BCAT1: variants seen among roughly 807,000 people sequenced by gnomAD.
BCAT1 encodes the protein branched chain amino acid transaminase 1.
In BCAT1, 48 loss-of-function variants were observed where a neutral mutation model predicts 52.4. That is an observed-to-expected ratio of 0.92 (90% CI 0.73 to 1.16). The LOEUF is 1.16. Ranked by LOEUF, BCAT1 falls within the 50% of genes most tolerant of loss-of-function variation. The pLI is 0.00. For missense variants in BCAT1, 451 were observed against 457.1 expected (o/e 0.99, Z 0.12); for synonymous variants, 167 against 161.3 (o/e 1.04, Z -0.27).
chr12:24,867,357 T>A (rs1449406110), intron 5 of BCAT1, among the ~76,000 whole-genome samples: 1 of 112,654 alleles, frequency 8.9e-6, no homozygotes, highest in Non-Finnish European at 1.9e-5. Flanking sequence ...TTTTTTTTTT[T>A]ACCTTTAACA....
At chr12:24,894,702 T>C (rs1163967651) in intron 2 of BCAT1, among the ~76,000 whole-genome samples, 1 of 152,120 alleles carries the variant, frequency 6.6e-6, no homozygotes, top group Non-Finnish European at 1.5e-5. Context: ...AGAACCAAAT[T>C]TCAGTGATAT....
intron 1 of BCAT1, among the ~76,000 whole-genome samples, chr12:24,922,945 A>C (rs753804523): frequency 6.6e-6 from 1 of 152,092 alleles, no homozygotes; most frequent in Non-Finnish European, 1.5e-5. Flanking sequence ...GAAATCAGAC[A>C]TGTGCTTCCC....
chr12:24,904,641 A>G (rs1383042071), intron 1 of BCAT1: 1 of 152,144 alleles, frequency 6.6e-6, no homozygotes, highest in Non-Finnish European at 1.5e-5. Flanking sequence ...GGCTGCACCT[A>G]TGTGCTGATG....
chr12:24,836,385 G>A lies in BCAT1; in HGVS notation c.903+126C>T, dbSNP rs750708455. On this transcript the variant is annotated intron_variant, in intron 8 of 10. Transcript: ENST00000261192. ...TTCTAGAAGAATACTTTTCATTCAC[G>A]TTAGAATTTAAAGATTAGATAACAT... 101 of 801,162 alleles carry A rather than the reference G, an allele frequency of 1.3e-4. 1 individual carries two copies. Among genetic ancestry groups the A allele is most frequent in the Non-Finnish European group, 1.8e-4 (91 of 509,066 alleles). 49.6% of individuals were successfully genotyped at this position (801,162 alleles called of 1,614,324 possible). A position where few individuals can be genotyped will look rare whatever the true frequency, so the allele number is the denominator to read the frequency against.
chr12:24,892,631 T>G (rs1054003140), intron 3 of BCAT1, among the ~76,000 whole-genome samples: 1 of 152,126 alleles, frequency 6.6e-6, no homozygotes, highest in Non-Finnish European at 1.5e-5. Context: ...GGCAAGAGGA[T>G]TGCTTGAGCC....
chr12:24,868,287 G>A (rs1157098583), intron 5 of BCAT1, among the ~76,000 whole-genome samples: 3 of 152,026 alleles, frequency 2.0e-5, no homozygotes, highest in African/African-American at 7.3e-5. Context: ...ATTAAATTCA[G>A]TACGGTACAT....
chr12:24,845,021 T>C (rs1215723473), intron 6 of BCAT1, among the ~76,000 whole-genome samples: 1 of 151,488 alleles, frequency 6.6e-6, no homozygotes, highest in Non-Finnish European at 1.5e-5. Context: ...CAGACCAGCC[T>C]GGCTAACATG....
At chr12:24,831,816 A>G (rs1001244900) in intron 9 of BCAT1, among the ~76,000 whole-genome samples, 1 of 152,262 alleles carries the variant, frequency 6.6e-6, no homozygotes, top group Non-Finnish European at 1.5e-5. Context: ...GTTAGATGCC[A>G]ATGTTAATCA....
intron 1 of BCAT1, among the ~76,000 whole-genome samples, chr12:24,919,533 T>A (rs1943471232): frequency 1.3e-5 from 2 of 152,010 alleles, no homozygotes; most frequent in South Asian, 4.1e-4. Context: ...CCTGTAGGAG[T>A]CAAAAGGAAA....
chr12:24,834,831 C>T (rs1440114960), intron 8 of BCAT1: 24 of 1,085,620 alleles, frequency 2.2e-5, no homozygotes, highest in African/African-American at 5.1e-5. Context: ...GAAAAGAAAA[C>T]TCTTTTGTAA....
Position 24,901,889 on chromosome 12 carries a change from AAAG to A in BCAT1, c.7-7_7-5del, listed in dbSNP as rs764864355. On this transcript the variant is annotated splice_polypyrimidine_tract_variant and splice_region_variant and intron_variant, in intron 1 of 10. Coordinates refer to ENST00000261192, the MANE Select transcript of BCAT1 (RefSeq NM_005504.7). ...CGGAGCATCCGTTACTGCAATCCTT[AAAG>A]AAGAATTAAACCACCATTAAGTAAA... is the stretch of plus-strand genomic sequence containing the variant. 1.9e-6 allele frequency: 3 copies of A among 1,613,506 alleles called. No individual in the cohort carries two copies. The highest frequency in any genetic ancestry group is 1.1e-5 in the South Asian group (1 of 91,034).
At chr12:24,819,098 A>G (rs1485089251) in intron 10 of BCAT1, among the ~76,000 whole-genome samples, 1 of 151,826 alleles carries the variant, frequency 6.6e-6, no homozygotes, top group East Asian at 1.9e-4. Flanking sequence ...TGCAGTTAAC[A>G]GATGGAAGAG....
chr12:24,816,278 CT>C lies in BCAT1; in HGVS notation c.*1729del. On this transcript the variant is annotated 3_prime_UTR_variant, in exon 11 of 11. Coordinates refer to ENST00000261192, the MANE Select transcript of BCAT1 (RefSeq NM_005504.7). Reference sequence around the variant, plus strand: ...TCCAATGCATCAAACTTTTAGAATCCTTTTTATTTTCCTTCTCTGAAAAGAG... The same window carrying C: ...TCCAATGCATCAAACTTTTAGAATCCTTTTATTTTCCTTCTCTGAAAAGAG... 1 of 377,422 alleles carries C rather than the reference CT, an allele frequency of 2.6e-6. No homozygotes were observed. Among genetic ancestry groups the C allele is most frequent in the Non-Finnish European group, 4.7e-6 (1 of 213,456 alleles). The allele number at this position is 377,422 out of a possible 1,614,324, so 23.4% of individuals were successfully genotyped here. A position where few individuals can be genotyped will look rare whatever the true frequency, so the allele number is the denominator to read the frequency against.
chr12:24,851,650 G>A (rs187306568), intron 5 of BCAT1, among the ~76,000 whole-genome samples: 1 of 152,314 alleles, frequency 6.6e-6, no homozygotes, highest in Non-Finnish European at 1.5e-5. Context: ...AACAGGTTTT[G>A]ATTGTTAGCT....
chr12:24,824,818 A>G (rs1286914031), intron 10 of BCAT1, among the ~76,000 whole-genome samples: 1 of 152,226 alleles, frequency 6.6e-6, no homozygotes, highest in African/African-American at 2.4e-5. Flanking sequence ...AAATACACAT[A>G]TATAATTTAC....
intron 3 of BCAT1, among the ~76,000 whole-genome samples, chr12:24,887,080 A>AAAAAAAATATATATAT (rs1245203518): frequency 4.9e-5 from 2 of 40,748 alleles, no homozygotes; most frequent in Non-Finnish European, 1.0e-4. Context: ...AAAAAAAAAA[A>AAAAAAAATATATATAT]ATATATATAT....
At chr12:24,849,669 AC>A (rs906362012) in intron 6 of BCAT1, 116 bp downstream of exon 6, 14 of 1,159,128 alleles carry the variant, frequency 1.2e-5, no homozygotes, top group Non-Finnish European at 1.5e-5. Context: ...TAACCATGAA[AC>A]ACAATGAGCA....
In BCAT1 at chr12:24,829,979, T is replaced by C. The variant is rs1940583658; in HGVS notation, c.1045-82A>G. 3.9e-6 allele frequency: 4 copies of C among 1,025,768 alleles called. No homozygotes were observed. In the South Asian group the frequency reaches 4.8e-5, roughly 12 times the overall value. 63.5% of individuals were successfully genotyped at this position (1,025,768 alleles called of 1,614,324 possible). A position where few individuals can be genotyped will look rare whatever the true frequency, so the allele number is the denominator to read the frequency against. ...AGATAAGACACTCAAGCAATTCTGC[T>C]ATACTAAGGCAATTCCACTGAAGTT... On this transcript the variant is annotated intron_variant, in intron 9 of 10. Transcript: ENST00000261192.
chr12:24,924,937 T>A (rs1303947326), intron 1 of BCAT1, among the ~76,000 whole-genome samples: 1 of 152,214 alleles, frequency 6.6e-6, no homozygotes, highest in Non-Finnish European at 1.5e-5. Flanking sequence ...ATAGAAAGGT[T>A]AACCATTGGG....
Sources: allele counts gnomAD v4.1 joint callset (sites outside exome capture counted in the v4.1 genomes callset), GRCh38; gene constraint gnomAD v4.1.1; transcripts MANE v1.5; gene names NCBI Gene and HGNC (gene_info 2026-07-23, HGNC 2026-07-21).